The following RESF1 variants were observed in gnomAD, a reference collection of about 807,000 sequenced individuals.
RESF1 encodes the protein gonad expressed transcript.
RESF1 carries 65 observed loss-of-function variants against 134.7 expected under a neutral mutation model. That is an observed-to-expected ratio of 0.48 (90% CI 0.40 to 0.59). The LOEUF (loss-of-function observed/expected upper bound fraction) is 0.59, where lower values mean the gene tolerates loss of function less well. Ranked by LOEUF, RESF1 falls within the 20% of genes least tolerant of loss-of-function variation. The probability of loss-of-function intolerance (pLI) is 0.00; values close to 1 mark genes in which losing one functional copy is unlikely to be tolerated. For synonymous variants in RESF1, 762 were observed against 702.2 expected (o/e 1.09, Z -1.35); for missense variants, 2,274 against 2,002.7 (o/e 1.14, Z -2.59).
intron 3 of RESF1, among the ~76,000 whole-genome samples, chr12:31,976,208 A>G (rs1939627072): frequency 6.6e-6 from 1 of 152,210 alleles, no homozygotes; most frequent in African/African-American, 2.4e-5. Context: ...TGCCATTTAA[A>G]TATAGTTGAC....
rs1940117849 is a variant in RESF1 at position 31,992,544 on chromosome 12, T to C, written c.*9T>C. 6.2e-7 allele frequency: 1 copy of C among 1,610,422 alleles called. No homozygotes were observed. The highest frequency in any genetic ancestry group is 8.5e-7 in the Non-Finnish European group (1 of 1,178,408). ...GCAGTCCTGTAAAATAATTACAAGA[T>C]GTGGTTTTGTAATTGCCACTGGGAA... is the stretch of plus-strand genomic sequence containing the variant. On this transcript the variant is annotated 3_prime_UTR_variant, in exon 6 of 6. Transcript: ENST00000312561.
intron 2 of RESF1, among the ~76,000 whole-genome samples, chr12:31,962,901 C>T (rs1939310687): frequency 6.6e-6 from 1 of 151,942 alleles, no homozygotes. Flanking sequence ...AGTTGGAGAC[C>T]AGCCTGGCCA....
At chr12:31,978,926 T>A (rs1159188855) in intron 3 of RESF1, among the ~76,000 whole-genome samples, 1 of 150,340 alleles carries the variant, frequency 6.7e-6, no homozygotes, top group African/African-American at 2.4e-5. Context: ...TCATGATTTT[T>A]TTTTTTTTTT....
chr12:31,962,976 G>A (rs1939313010), intron 2 of RESF1, among the ~76,000 whole-genome samples: 1 of 152,180 alleles, frequency 6.6e-6, no homozygotes, highest in Non-Finnish European at 1.5e-5. Context: ...GCACATGCCT[G>A]AAATCCCGGC....
intron 2 of RESF1, among the ~76,000 whole-genome samples, chr12:31,965,000 CTG>C (rs1431725674): frequency 6.6e-6 from 1 of 152,110 alleles, no homozygotes; most frequent in African/African-American, 2.4e-5. Context: ...CTGAATCTCA[CTG>C]TGTTGCCCAG....
At chr12:31,974,529 C>T (rs987027947) in intron 3 of RESF1, among the ~76,000 whole-genome samples, 9 of 152,036 alleles carry the variant, frequency 5.9e-5, no homozygotes, top group Non-Finnish European at 1.3e-4. Flanking sequence ...TAACGTGGTC[C>T]TTCCTCTGTG....
rs1424674099 is a variant in RESF1, at chr12:31,984,845, T to A, written c.3890T>A (p.Leu1297Ter). ...NPLQNHKRKKLRFHEVTFHSS... is the reference protein window; with the variant it reads ...NPLQNHKRKK ...TTGCAAAATCACAAAAGAAAAAAAT[T>A]GAGGTTTCACGAGGTAACCTTTCAC... is the stretch of plus-strand genomic sequence containing the variant. The change falls in exon 4 of 6, where the codon TTG becomes TAG. Residue 1297 changes from leucine to a stop codon, truncating the protein, a stop_gained. Transcript: ENST00000312561. LOFTEE classifies it high-confidence loss of function. 6.2e-7 allele frequency: 1 copy of A among 1,602,096 alleles called. No individual in the cohort carries two copies. Among genetic ancestry groups the A allele is most frequent in the Non-Finnish European group, 8.5e-7 (1 of 1,177,236 alleles).
In RESF1 at chr12:31,982,505, A is replaced by C. The variant is rs778149712; in HGVS notation, c.1550A>C (p.Asp517Ala). Reference sequence around the variant, plus strand: ...TATTCTGAAAAGCGGCCAATGCCAGACTCATCTCATGATGTGAAAGTTCTC... The same window carrying C: ...TATTCTGAAAAGCGGCCAATGCCAGCCTCATCTCATGATGTGAAAGTTCTC... ...PVYSEKRPMP[D>A]SSHDVKVLTS... is the part of the protein sequence containing the mutation. Residue 517 changes from aspartate to alanine, a missense_variant, in exon 4 of 6, where the codon GAC (aspartate) becomes GCC (alanine). By Grantham distance (126) the Asp-to-Ala change is moderately radical. Coordinates refer to ENST00000312561, the MANE Select transcript of RESF1 (RefSeq NM_018169.4). The C allele has an allele frequency of 7.4e-6, 12 of 1,613,562 alleles. No individual in the cohort carries two copies. In the East Asian group the frequency reaches 2.5e-4, roughly 33 times the overall value.
chr12:31,986,097 C>A (rs1006841030), intron 4 of RESF1, 140 bp downstream of exon 4: 64 of 456,922 alleles, frequency 1.4e-4, no homozygotes, highest in African/African-American at 1.1e-3. Context: ...TTTGTTTTGC[C>A]TGGTAAACCA....
chr12:31,979,610 T>G (rs1268868234), intron 3 of RESF1, among the ~76,000 whole-genome samples: 1 of 152,002 alleles, frequency 6.6e-6, no homozygotes, highest in African/African-American at 2.4e-5. Context: ...CCACCATGGC[T>G]CACTGCAGCC....
At chr12:31,972,106 CT>C (rs1939521813) in intron 3 of RESF1, among the ~76,000 whole-genome samples, 1 of 152,156 alleles carries the variant, frequency 6.6e-6, no homozygotes, top group Non-Finnish European at 1.5e-5. Flanking sequence ...TGCTGTGCCC[CT>C]TCTCATGTGA....
rs1230283217 is a variant in RESF1 at position 31,987,301 on chromosome 12, CAGAA to C, written c.5069_5072del (p.Lys1690ThrfsTer29). 13 of 1,601,856 alleles carry C rather than the reference CAGAA, an allele frequency of 8.1e-6. No homozygotes were observed. The highest frequency in any genetic ancestry group is 3.4e-5 in the Admixed American group (2 of 59,400). On this transcript the variant is annotated frameshift_variant, in exon 5 of 6. Coordinates refer to ENST00000312561, the MANE Select transcript of RESF1 (RefSeq NM_018169.4). LOFTEE classifies it low-confidence loss of function (END_TRUNC). ...ATTTGTTGCTACAAAGAAAAGGACA[CAGAA>C]AGACAGCCAAGAGAGAGGTAAAGTC... is the stretch of plus-strand genomic sequence containing the variant.
intron 5 of RESF1, among the ~76,000 whole-genome samples, chr12:31,991,549 T>C (rs2120910570): frequency 6.6e-6 from 1 of 152,342 alleles, no homozygotes; most frequent in East Asian, 1.9e-4. Context: ...ATTTCTTGAC[T>C]GTGATGGTAT....
chr12:31,980,580 A>G (rs1939758898), intron 3 of RESF1, among the ~76,000 whole-genome samples: 1 of 152,204 alleles, frequency 6.6e-6, no homozygotes, highest in Non-Finnish European at 1.5e-5. Context: ...TGCAGTTAGC[A>G]TGGATTACTT....
intron 3 of RESF1, among the ~76,000 whole-genome samples, chr12:31,978,712 A>ATTTTTTTTT (rs35842957): frequency 1.6e-5 from 2 of 121,922 alleles, no homozygotes; most frequent in Non-Finnish European, 3.4e-5. Flanking sequence ...CACCCAGCTA[A>ATTTTTTTTT]TTTTTTTTTT....
At chr12:31,973,367 G>GT (rs1472824908) in intron 3 of RESF1, among the ~76,000 whole-genome samples, 1 of 151,646 alleles carries the variant, frequency 6.6e-6, no homozygotes, top group Admixed American at 6.6e-5. Context: ...GGAGTGCAGT[G>GT]TACAGTCATA....
chr12:31,979,200 G>A (rs186638352), intron 3 of RESF1, among the ~76,000 whole-genome samples: 61 of 152,276 alleles, frequency 4.0e-4, no homozygotes, highest in Middle Eastern at 6.8e-3. Context: ...GATTACAGGC[G>A]TGAGCCACTG....
chr12:31,992,490 C>T lies in RESF1; in HGVS notation c.5199C>T (p.Tyr1733=), dbSNP rs537196594. The T allele has an allele frequency of 6.8e-6, 11 of 1,613,908 alleles. No individual in the cohort carries two copies. The African/African-American group carries it at 1.3e-4, about 20-fold the overall frequency. ...KEMFQTYKQM[Y]LEKRSRSLGS... ...TGTTTCAAACCTACAAACAGATGTA[C>T]CTGGAGAAGAGAAGCAGAAGCCTTG... The change falls in exon 6 of 6, where the codon TAC becomes TAT. Residue 1733 remains tyrosine (Y), a synonymous_variant. Coordinates refer to ENST00000312561, the MANE Select transcript of RESF1 (RefSeq NM_018169.4).
At chr12:31,968,266 T>C (rs113484653) in intron 2 of RESF1, among the ~76,000 whole-genome samples, 2,508 of 152,298 alleles carry the variant, frequency 0.016, 66 homozygotes, top group African/African-American at 0.057. Context: ...CCAGAGCGAA[T>C]TTATATATTT....
Sources: gnomAD v4.1 joint callset for allele counts (sites outside exome capture counted in the v4.1 genomes callset) on GRCh38, gnomAD v4.1.1 for gene constraint, MANE v1.5 for transcripts, NCBI Gene and HGNC (gene_info 2026-07-23, HGNC 2026-07-21) for gene names.